The following CUL9 variants were observed in gnomAD, a reference collection of about 807,000 sequenced individuals.
CUL9 encodes the protein cullin-9.
In CUL9, 79 loss-of-function variants were observed where a neutral mutation model predicts 272.6. That is an observed-to-expected ratio of 0.29 (90% CI 0.24 to 0.35). The LOEUF is 0.35. Ranked by LOEUF, CUL9 falls within the 10% of genes least tolerant of loss-of-function variation. CUL9 has a pLI of 1.00. For missense variants in CUL9, 2,532 were observed against 3,255.6 expected (o/e 0.78, Z 5.41); for synonymous variants, 1,186 against 1,286.5 (o/e 0.92, Z 1.67).
rs1446856644 is a variant in CUL9 at position 43,184,184 on chromosome 6, A to T, written c.-9-118A>T. ...TTGCCTTTTCTGTTTGGCCTCCTAA[A>T]TTCTACCATGCAGCCTACCGATCAC... On this transcript the variant is annotated intron_variant, in intron 1 of 40. Transcript: ENST00000252050. This position sits in a 1 kb window ranked among gnomAD's most constrained non-coding sequence, Gnocchi z 4.8. The T allele has an allele frequency of 1.5e-6, 1 of 685,318 alleles. No homozygotes were observed. Among genetic ancestry groups the T allele is most frequent in the African/African-American group, 1.8e-5 (1 of 54,264 alleles). The allele number at this position is 685,318 out of a possible 1,614,324, so 42.5% of individuals were successfully genotyped here.
rs778785281 is a variant in CUL9, at chr6:43,222,679, T to A, written c.7032+38T>A. On this transcript the variant is annotated intron_variant, in intron 37 of 40. Coordinates refer to ENST00000252050, the MANE Select transcript of CUL9 (RefSeq NM_015089.4). ...GGGGGAAGAGAGCAGGGGAGGGGTG[T>A]GCCAAATGGGTCTGGGGGGCTTGGC... The A allele has an allele frequency of 2.5e-6, 4 of 1,607,452 alleles. No individual in the cohort carries two copies. In the South Asian group the frequency reaches 3.3e-5, roughly 13 times the overall value.
chr6:43,208,334 T>C (rs998980417), intron 26 of CUL9, among the ~76,000 whole-genome samples: 2 of 152,190 alleles, frequency 1.3e-5, no homozygotes, highest in African/African-American at 4.8e-5. Flanking sequence ...GCCTCCCGAT[T>C]AGCTGGGATT....
chr6:43,184,763 C>G lies in CUL9; in HGVS notation c.453C>G (p.Ala151=). ...AVLHTIHVLS[A]YASIGPLTGV... ...TTCACACCATCCACGTGCTCAGTGC[C>G]TACGCCAGCATCGGGCCCCTCACTG... The change falls in exon 2 of 41, where the codon GCC becomes GCG. Residue 151 remains alanine (A), a synonymous_variant. Coordinates refer to ENST00000252050, the MANE Select transcript of CUL9 (RefSeq NM_015089.4). The surrounding 1 kb of genome is among the most constrained non-coding windows in gnomAD (Gnocchi z 4.8). 1 of 1,614,186 alleles carries G rather than the reference C, an allele frequency of 6.2e-7. No homozygotes were observed. The highest frequency in any genetic ancestry group is 1.3e-5 in the African/African-American group (1 of 75,072).
In CUL9 at chr6:43,199,748, C is replaced by T. The variant is rs1774351738; in HGVS notation, c.3157-181C>T. Among the ~76,000 whole-genome samples the T allele has an allele frequency of 6.6e-6, 1 of 152,204 alleles. No homozygotes were observed. On this transcript the variant is annotated intron_variant, in intron 13 of 40. Transcript: ENST00000252050. The surrounding 1 kb of genome is among the most constrained non-coding windows in gnomAD (Gnocchi z 4.4). ...GCCCAAGCTCTGTTCTGCCAACTCA[C>T]TCTGGAGTCCCAGCACTCCTCTATT...
chr6:43,199,427 TC>T lies in CUL9; in HGVS notation c.3156+58del. The T allele has an allele frequency of 2.2e-6, 3 of 1,378,442 alleles. No individual in the cohort carries two copies. In the South Asian group the frequency reaches 3.5e-5, roughly 16 times the overall value. 85.4% of individuals were successfully genotyped at this position (1,378,442 alleles called of 1,614,324 possible). A position where few individuals can be genotyped will look rare whatever the true frequency, so the allele number is the denominator to read the frequency against. ...GAAGGGCAGCATCTGGGGCACCAAC[TC>T]CTTGTGAGGCTCTGGAGGGCACAGC... On this transcript the variant is annotated intron_variant, in intron 13 of 40. Coordinates refer to ENST00000252050, the MANE Select transcript of CUL9 (RefSeq NM_015089.4). This position sits in a 1 kb window ranked among gnomAD's most constrained non-coding sequence, Gnocchi z 4.4.
rs1208386564 is a variant in CUL9 at position 43,221,988 on chromosome 6, C to T, written c.6846+210C>T. ...CCTTCAGCTCCAGAACAGGACTTCT[C>T]ATACCGAGGTGGCTACAGAAAGGCT... On this transcript the variant is annotated intron_variant, in intron 35 of 40. Transcript: ENST00000252050. The surrounding 1 kb of genome is among the most constrained non-coding windows in gnomAD (Gnocchi z 4.2). The T allele has an allele frequency of 6.7e-6, 4 of 599,194 alleles. No individual in the cohort carries two copies. In the East Asian group the frequency reaches 8.3e-5, roughly 12 times the overall value. 37.1% of individuals were successfully genotyped at this position (599,194 alleles called of 1,614,324 possible). A position where few individuals can be genotyped will look rare whatever the true frequency, so the allele number is the denominator to read the frequency against.
Position 43,186,141 on chromosome 6 carries a change from C to A in CUL9, c.937C>A (p.Leu313Ile). Residue 313 changes from leucine (L) to isoleucine (I), a missense_variant, in exon 4 of 41, where the codon CTT becomes ATT. By Grantham distance (5) the Leu-to-Ile change is conservative. This residue lies in a region of CUL9 where 2,218 missense variants were observed against 2,788.6 expected (regional missense o/e 0.80). Coordinates refer to ENST00000252050, the MANE Select transcript of CUL9 (RefSeq NM_015089.4). Reference protein sequence around the residue: ...SMAVGNLISELVRSMGWARNL... With the variant: ...SMAVGNLISEIVRSMGWARNL... ...GGCTGTGGGCAACCTCATCTCTGAGCTTGTGCGGAGCATGGGCTGGGCCCG... is the reference window on the plus strand; with the variant it reads ...GGCTGTGGGCAACCTCATCTCTGAGATTGTGCGGAGCATGGGCTGGGCCCG... 6.2e-7 allele frequency: 1 copy of A among 1,614,258 alleles called. No homozygotes were observed. The highest frequency in any genetic ancestry group is 1.6e-4 in the Middle Eastern group (1 of 6,062).
intron 20 of CUL9, 54 bp downstream of exon 20, chr6:43,204,041 G>T: frequency 6.5e-7 from 1 of 1,534,180 alleles, no homozygotes; most frequent in Non-Finnish European, 8.8e-7. Context: ...TTATTCCCAG[G>T]GATCACCTGA....
At chr6:43,201,701 G>A (rs866863970) in intron 16 of CUL9, among the ~76,000 whole-genome samples, 12 of 152,258 alleles carry the variant, frequency 7.9e-5, no homozygotes, top group Middle Eastern at 3.4e-3. Flanking sequence ...GGATGGTCTC[G>A]ATCTCCTGAC....
In CUL9 at chr6:43,186,260, T is replaced by G; in HGVS notation, c.1056T>G (p.Ile352Met). Residue 352 changes from isoleucine to methionine, a missense_variant, in exon 4 of 41, where the codon ATT becomes ATG. Physicochemically the swap from Ile to Met is conservative, Grantham distance 10. Coordinates refer to ENST00000252050, the MANE Select transcript of CUL9 (RefSeq NM_015089.4). ...ISGPSLLLPTIVTTPRRQGWV... is the reference protein window; with the variant it reads ...ISGPSLLLPTMVTTPRRQGWV... The stretch of plus-strand genomic sequence containing the variant: ...GCCCCAGCCTTTTACTCCCCACCAT[T>G]GTCACCACCCCCAGAAGACAAGGGT... The G allele has an allele frequency of 1.9e-6, 3 of 1,614,166 alleles. No homozygotes were observed. Among genetic ancestry groups the G allele is most frequent in the Non-Finnish European group, 2.5e-6 (3 of 1,180,006 alleles).
chr6:43,205,132 C>G lies in CUL9; in HGVS notation c.4632+17C>G, dbSNP rs1204225140. ...GCTGCTCACGTGAGTCCCACCAGCT[C>G]CCCACAGGGCTATAAGCTTGTGTTC... On this transcript the variant is annotated intron_variant, in intron 23 of 40. Transcript: ENST00000252050. 3.2e-6 allele frequency: 5 copies of G among 1,573,566 alleles called. No homozygotes were observed. The Admixed American group carries it at 8.8e-5, about 28-fold the overall frequency.
rs770800634 is a variant in CUL9, at chr6:43,199,419, G to A, written c.3156+48G>A. 9 of 1,450,492 alleles carry A rather than the reference G, an allele frequency of 6.2e-6. No individual in the cohort carries two copies. The East Asian group carries it at 1.4e-4, about 22-fold the overall frequency. 89.9% of individuals were successfully genotyped at this position (1,450,492 alleles called of 1,614,324 possible). ...AAGAGAGGGAAGGGCAGCATCTGGG[G>A]CACCAACTCCTTGTGAGGCTCTGGA... On this transcript the variant is annotated intron_variant, in intron 13 of 40. Coordinates refer to ENST00000252050, the MANE Select transcript of CUL9 (RefSeq NM_015089.4). This position sits in a 1 kb window ranked among gnomAD's most constrained non-coding sequence, Gnocchi z 4.4.
Position 43,203,760 on chromosome 6 carries a change from C to T in CUL9, c.4026-94C>T, listed in dbSNP as rs945531122. ...AATTGGGAAAAGTTGGGTCAGGGAC[C>T]GAACAGGGGTGATTGGGAGCTGATC... On this transcript the variant is annotated intron_variant, in intron 19 of 40. Coordinates refer to ENST00000252050, the MANE Select transcript of CUL9 (RefSeq NM_015089.4). This position sits in a 1 kb window ranked among gnomAD's most constrained non-coding sequence, Gnocchi z 5.0. 138 of 1,526,224 alleles carry T rather than the reference C, an allele frequency of 9.0e-5. No homozygotes were observed. Among genetic ancestry groups the T allele is most frequent in the African/African-American group, 7.6e-4 (55 of 72,534 alleles). 94.5% of individuals were successfully genotyped at this position (1,526,224 alleles called of 1,614,324 possible).
At chr6:43,201,964 A>G (rs934632228) in intron 16 of CUL9, among the ~76,000 whole-genome samples, 5 of 152,200 alleles carry the variant, frequency 3.3e-5, no homozygotes, top group African/African-American at 7.2e-5. Flanking sequence ...TCTGGCAACT[A>G]TGGGAGTTTG....
At position 43,198,596 on chromosome 6, in the gene CUL9, T is replaced by C. The variant is rs1774223582; in HGVS notation, c.2804-13T>C. ...TTCATCCACATTTTTCCCTCTGGTG[T>C]GTCTGGCTGCAGCACTAGAGACCCC... On this transcript the variant is annotated splice_polypyrimidine_tract_variant and intron_variant, in intron 11 of 40. Transcript: ENST00000252050. The C allele has an allele frequency of 6.2e-7, 1 of 1,613,172 alleles. No individual in the cohort carries two copies. The highest frequency in any genetic ancestry group is 2.2e-5 in the East Asian group (1 of 44,866).
intron 10 of CUL9, 63 bp downstream of exon 10, chr6:43,196,328 C>T (rs969236446): frequency 2.0e-6 from 3 of 1,474,254 alleles, no homozygotes; most frequent in East Asian, 2.3e-5. Flanking sequence ...TACTCCTGTG[C>T]TCCAGGCTCA....
intron 30 of CUL9, 84 bp downstream of exon 30, chr6:43,215,410 CTTCT>C (rs971243277): frequency 6.2e-5 from 93 of 1,492,874 alleles, no homozygotes; most frequent in Non-Finnish European, 5.8e-5. Flanking sequence ...AAACACTTCC[CTTCT>C]TTCTTTGTCT....
Position 43,198,592 on chromosome 6 carries a change from GGT to G in CUL9, c.2804-12_2804-11del, listed in dbSNP as rs1774222959. 1.9e-6 allele frequency: 3 copies of G among 1,612,970 alleles called. No individual in the cohort carries two copies. The highest frequency in any genetic ancestry group is 2.5e-6 in the Non-Finnish European group (3 of 1,179,188). On this transcript the variant is annotated splice_polypyrimidine_tract_variant and intron_variant, in intron 11 of 40. Transcript: ENST00000252050. ...ACTCTTCATCCACATTTTTCCCTCT[GGT>G]GTGTCTGGCTGCAGCACTAGAGACC... is the stretch of plus-strand genomic sequence containing the variant.
chr6:43,219,756 G>A (rs1776193628), intron 31 of CUL9, among the ~76,000 whole-genome samples: 1 of 152,186 alleles, frequency 6.6e-6, no homozygotes, highest in African/African-American at 2.4e-5. Flanking sequence ...GGCTGCTCGT[G>A]CATAGACCAA....
Sources: gnomAD v4.1 joint callset for allele counts (sites outside exome capture counted in the v4.1 genomes callset) on GRCh38, gnomAD v4.1.1 for gene constraint, gnomAD v4.1.1 regional missense constraint, Gnocchi (gnomAD v3.1) non-coding constraint, MANE v1.5 for transcripts, NCBI Gene and HGNC (gene_info 2026-07-23, HGNC 2026-07-21) for gene names.